The following PPP3R2 variants were observed in gnomAD, a reference collection of about 807,000 sequenced individuals.
The protein encoded by PPP3R2 is calcineurin subunit B type 2.
For missense variants in PPP3R2, 225 were observed against 217.4 expected, an observed-to-expected ratio of 1.03 and a Z score of -0.22; for synonymous variants, 91 against 91.5, an observed-to-expected ratio of 0.99 and a Z score of 0.03.
At position 101,594,655 on chromosome 9, in the gene PPP3R2, C is replaced by T; in HGVS notation, c.267G>A (p.Glu89=). Residue 89 remains glutamate, a synonymous_variant, in exon 1 of 1, where the codon GAG becomes GAA. Transcript: ENST00000374806. The stretch of plus-strand genomic sequence containing the variant: ...TGCTGAACGCAAACCTCAACTTCTG[C>T]TCCTCGTCGCCCTTGACGCTGAACT... ...TSQFSVKGDE[E]QKLRFAFSIY... 1.2e-6 allele frequency: 2 copies of T among 1,614,128 alleles called. No individual in the cohort carries two copies. The highest frequency in any genetic ancestry group is 4.5e-5 in the East Asian group (2 of 44,896).
rs1828069895 is a variant in PPP3R2, at chr9:101,593,924, G to A, written c.*485C>T. On this transcript the variant is annotated 3_prime_UTR_variant, in exon 1 of 1. Coordinates refer to ENST00000374806, the MANE Select transcript of PPP3R2 (RefSeq NM_147180.4). ...CCCCTAAGAAAAGTGATTACGAGAT[G>A]CCCAGCAAAGACAAATATATTTGTC... The A allele has an allele frequency of 6.5e-6, 1 of 153,946 alleles. No individual in the cohort carries two copies. The highest frequency in any genetic ancestry group is 1.4e-5 in the Non-Finnish European group (1 of 69,394). 9.5% of individuals were successfully genotyped at this position (153,946 alleles called of 1,614,324 possible).
In PPP3R2 at chr9:101,594,288, T is replaced by C. The variant is rs1051458232; in HGVS notation, c.*121A>G. On this transcript the variant is annotated 3_prime_UTR_variant, in exon 1 of 1. Transcript: ENST00000374806. Reference sequence around the variant, plus strand: ...GTGATGAAGCTCCTGTTAGGACATATGGCTTCACAAAAAGAAATACTTCCA... The same window carrying C: ...GTGATGAAGCTCCTGTTAGGACATACGGCTTCACAAAAAGAAATACTTCCA... The C allele has an allele frequency of 5.4e-6, 7 of 1,288,014 alleles. No homozygotes were observed. The highest frequency in any genetic ancestry group is 3.0e-5 in the African/African-American group (2 of 66,824). 79.8% of individuals were successfully genotyped at this position (1,288,014 alleles called of 1,614,324 possible). A position where few individuals can be genotyped will look rare whatever the true frequency, so the allele number is the denominator to read the frequency against.
Position 101,594,825 on chromosome 9 carries a change from C to G in PPP3R2, c.97G>C (p.Asp33His). 1 of 1,610,894 alleles carries G rather than the reference C, an allele frequency of 6.2e-7. No individual in the cohort carries two copies. Among genetic ancestry groups the G allele is most frequent in the Non-Finnish European group, 8.5e-7 (1 of 1,180,024 alleles). ...LGRRFKKLDL[D>H]KSGSLSVEEF... is the part of the protein sequence containing the mutation. The stretch of plus-strand genomic sequence containing the variant: ...TCCACGCTCAGAGACCCTGATTTGT[C>G]CAAGTCCAACTTCTTAAACCTCCTG... The change falls in exon 1 of 1, where the codon GAC becomes CAC. Residue 33 changes from aspartate to histidine, a missense_variant. Transcript: ENST00000374806.
In PPP3R2 at chr9:101,592,945, T is replaced by C. The variant is rs1417710600; in HGVS notation, c.*1464A>G. 6.6e-6 allele frequency: 1 copy of C among 151,902 alleles called. No individual in the cohort carries two copies. Among genetic ancestry groups the C allele is most frequent in the African/African-American group, 2.4e-5 (1 of 41,310 alleles). 9.4% of individuals were successfully genotyped at this position (151,902 alleles called of 1,614,324 possible). A position where few individuals can be genotyped will look rare whatever the true frequency, so the allele number is the denominator to read the frequency against. ...TTTTGAGAGCCTTAAGCATCTTATA[T>C]GGGAAGTGGTTCTCTGTGAGAAAGA... On this transcript the variant is annotated 3_prime_UTR_variant, in exon 1 of 1. Transcript: ENST00000374806.
In PPP3R2 at chr9:101,594,835, C is replaced by T; in HGVS notation, c.87G>A (p.Lys29=). ...EIKRLGRRFK[K]LDLDKSGSLS... is the part of the protein sequence containing the mutation. ...GAGACCCTGATTTGTCCAAGTCCAA[C>T]TTCTTAAACCTCCTGCCCAGCCTTT... Residue 29 remains lysine (K), a synonymous_variant, in exon 1 of 1, where the codon AAG becomes AAA. Coordinates refer to ENST00000374806, the MANE Select transcript of PPP3R2 (RefSeq NM_147180.4). 2 of 1,609,302 alleles carry T rather than the reference C, an allele frequency of 1.2e-6. No individual in the cohort carries two copies. The highest frequency in any genetic ancestry group is 1.7e-6 in the Non-Finnish European group (2 of 1,180,024).
chr9:101,594,547 C>T lies in PPP3R2; in HGVS notation c.375G>A (p.Thr125=), dbSNP rs868129282. The change falls in exon 1 of 1, where the codon ACG becomes ACA. Residue 125 remains threonine, a synonymous_variant. Coordinates refer to ENST00000374806, the MANE Select transcript of PPP3R2 (RefSeq NM_147180.4). Reference sequence around the variant, plus strand: ...CGACCAGCTGCTGGAGCTGCCAGTCCGTCAGGTTGTTGCCCACCATCATCT... The same window carrying T: ...CGACCAGCTGCTGGAGCTGCCAGTCTGTCAGGTTGTTGCCCACCATCATCT... ...VLKMMVGNNL[T]DWQLQQLVDK... The T allele has an allele frequency of 1.9e-6, 3 of 1,614,014 alleles. No individual in the cohort carries two copies. Among genetic ancestry groups the T allele is most frequent in the South Asian group, 2.2e-5 (2 of 91,080 alleles).
chr9:101,594,958 G>A lies in PPP3R2; in HGVS notation c.-37C>T, dbSNP rs780709801. 1.9e-6 allele frequency: 3 copies of A among 1,580,058 alleles called. No homozygotes were observed. The highest frequency in any genetic ancestry group is 1.2e-5 in the South Asian group (1 of 86,952). On this transcript the variant is annotated 5_prime_UTR_variant, in exon 1 of 1. Transcript: ENST00000374806. ...GGCAACGGCCACGGCTCAAAGGGTC[G>A]GAGAGGGGAGCAGGGGCGGTGAGCT...
rs904443041 is a variant in PPP3R2 at position 101,592,000 on chromosome 9, T to C, written c.*2409A>G. ...TGCACATTGCAGGGTGTATAAATAA[T>C]GCCTCTCTTTAATGACAATAATGTC... On this transcript the variant is annotated 3_prime_UTR_variant, in exon 1 of 1. Coordinates refer to ENST00000374806, the MANE Select transcript of PPP3R2 (RefSeq NM_147180.4). 1.3e-5 allele frequency: 2 copies of C among 152,260 alleles called. No individual in the cohort carries two copies. Among genetic ancestry groups the C allele is most frequent in the Non-Finnish European group, 1.5e-5 (1 of 68,040 alleles). 9.4% of individuals were successfully genotyped at this position (152,260 alleles called of 1,614,324 possible). A position where few individuals can be genotyped will look rare whatever the true frequency, so the allele number is the denominator to read the frequency against.
In PPP3R2 at chr9:101,594,768, T is replaced by A; in HGVS notation, c.154A>T (p.Asn52Tyr). The stretch of plus-strand genomic sequence containing the variant: ...TCGATCACTCGCCGCACCAACGGGT[T>A]GTGGCGCAGCTCCGGCAGGGACATG... ...EFMSLPELRH[N>Y]PLVRRVIDVF... is the part of the protein sequence containing the mutation. The change falls in exon 1 of 1, where the codon AAC (asparagine) becomes TAC (tyrosine). Residue 52 changes from asparagine (N) to tyrosine (Y), a missense_variant. By Grantham distance (143) the Asn-to-Tyr change is moderately radical. Transcript: ENST00000374806. 6.2e-7 allele frequency: 1 copy of A among 1,614,020 alleles called. No homozygotes were observed. The highest frequency in any genetic ancestry group is 8.5e-7 in the Non-Finnish European group (1 of 1,180,022).
At position 101,592,126 on chromosome 9, in the gene PPP3R2, C is replaced by T. The variant is rs1394079743; in HGVS notation, c.*2283G>A. On this transcript the variant is annotated 3_prime_UTR_variant, in exon 1 of 1. Coordinates refer to ENST00000374806, the MANE Select transcript of PPP3R2 (RefSeq NM_147180.4). ...AATGAGAGATTTTGTTTTAAAAATT[C>T]TCCAGTTCTCAGGTCAGAAAGTCTG... The T allele has an allele frequency of 6.6e-6, 1 of 152,144 alleles. No individual in the cohort carries two copies. Among genetic ancestry groups the T allele is most frequent in the Non-Finnish European group, 1.5e-5 (1 of 68,036 alleles). The allele number at this position is 152,144 out of a possible 1,614,324, so 9.4% of individuals were successfully genotyped here.
Position 101,594,939 on chromosome 9 carries a change from G to A in PPP3R2, c.-18C>T, listed in dbSNP as rs765525919. 2 of 1,593,148 alleles carry A rather than the reference G, an allele frequency of 1.3e-6. No homozygotes were observed. Among genetic ancestry groups the A allele is most frequent in the Non-Finnish European group, 1.7e-6 (2 of 1,176,562 alleles). On this transcript the variant is annotated 5_prime_UTR_variant, in exon 1 of 1. Transcript: ENST00000374806. ...TTTCCCATTGTGGACATCTGGCAAC[G>A]GCCACGGCTCAAAGGGTCGGAGAGG... is the stretch of plus-strand genomic sequence containing the variant.
chr9:101,592,996 G>C lies in PPP3R2; in HGVS notation c.*1413C>G, dbSNP rs548336737. 6.6e-6 allele frequency: 1 copy of C among 152,272 alleles called. No individual in the cohort carries two copies. Among genetic ancestry groups the C allele is most frequent in the South Asian group, 2.1e-4 (1 of 4,820 alleles). 9.4% of individuals were successfully genotyped at this position (152,272 alleles called of 1,614,324 possible). A position where few individuals can be genotyped will look rare whatever the true frequency, so the allele number is the denominator to read the frequency against. On this transcript the variant is annotated 3_prime_UTR_variant, in exon 1 of 1. Transcript: ENST00000374806. ...GGATTGGTATGGAGGCACAGATGCT[G>C]GGACAAGTCCTAGCCCTGCTCTTCT...
rs747246148 is a variant in PPP3R2, at chr9:101,594,453, C to T, written c.469G>A (p.Val157Ile). 2 of 1,613,638 alleles carry T rather than the reference C, an allele frequency of 1.2e-6. No individual in the cohort carries two copies. The highest frequency in any genetic ancestry group is 1.7e-5 in the Admixed American group (1 of 59,998). Residue 157 changes from valine to isoleucine, a missense_variant, in exon 1 of 1, where the codon GTC (valine) becomes ATC (isoleucine). By Grantham distance (29) the Val-to-Ile change is conservative (BLOSUM62 3). Coordinates refer to ENST00000374806, the MANE Select transcript of PPP3R2 (RefSeq NM_147180.4). ...TTCTTGTGGATCTCCAGGTCTCTGA[C>T]CACAGCACTGAATTCCTCAAAGGAT... ...KISFEEFSAV[V>I]RDLEIHKKLV... is the part of the protein sequence containing the mutation.
Position 101,593,460 on chromosome 9 carries a change from A to C in PPP3R2, c.*949T>G, listed in dbSNP as rs1224719725. 6.6e-6 allele frequency: 1 copy of C among 152,238 alleles called. No individual in the cohort carries two copies. The highest frequency in any genetic ancestry group is 1.5e-5 in the Non-Finnish European group (1 of 68,048). 9.4% of individuals were successfully genotyped at this position (152,238 alleles called of 1,614,324 possible). A position where few individuals can be genotyped will look rare whatever the true frequency, so the allele number is the denominator to read the frequency against. ...ATTGTCAGTCTCTGCATCTGTGAGC[A>C]ACAGACATAATGCCACTTTGGCATC... On this transcript the variant is annotated 3_prime_UTR_variant, in exon 1 of 1. Coordinates refer to ENST00000374806, the MANE Select transcript of PPP3R2 (RefSeq NM_147180.4).
At position 101,593,964 on chromosome 9, in the gene PPP3R2, AG is replaced by A. The variant is rs1222880411; in HGVS notation, c.*444del. ...ATATATTTGTCCCTGTTGCTACAAT[AG>A]GAAGTTAACAATCTGGCAAGATATC... is the stretch of plus-strand genomic sequence containing the variant. On this transcript the variant is annotated 3_prime_UTR_variant, in exon 1 of 1. Transcript: ENST00000374806. 4 of 156,750 alleles carry A rather than the reference AG, an allele frequency of 2.6e-5. No individual in the cohort carries two copies. The highest frequency in any genetic ancestry group is 5.6e-5 in the Non-Finnish European group (4 of 71,210). The allele number at this position is 156,750 out of a possible 1,614,324, so 9.7% of individuals were successfully genotyped here.
In PPP3R2 at chr9:101,594,397, T is replaced by C. The variant is rs766119488; in HGVS notation, c.*12A>G. On this transcript the variant is annotated 3_prime_UTR_variant, in exon 1 of 1. Coordinates refer to ENST00000374806, the MANE Select transcript of PPP3R2 (RefSeq NM_147180.4). ...AGCAGAAGTTGTTGGGTGGTGCTTG[T>C]AAGAAAAAGGCTCATACGATGAGGA... 1 of 1,578,632 alleles carries C rather than the reference T, an allele frequency of 6.3e-7. No individual in the cohort carries two copies. The highest frequency in any genetic ancestry group is 1.4e-5 in the African/African-American group (1 of 73,970).
Position 101,594,669 on chromosome 9 carries a change from T to C in PPP3R2, c.253A>G (p.Lys85Glu), listed in dbSNP as rs140002593. 41 of 1,614,088 alleles carry C rather than the reference T, an allele frequency of 2.5e-5. 1 individual carries two copies. In the African/African-American group the frequency reaches 3.9e-4, roughly 15 times the overall value. ...CTCAACTTCTGCTCCTCGTCGCCCT[T>C]GACGCTGAACTGGGAGGTCCCCAGG... Reference protein sequence around the residue: ...FILGTSQFSVKGDEEQKLRFA... With the variant: ...FILGTSQFSVEGDEEQKLRFA... Residue 85 changes from lysine (K) to glutamate (E), a missense_variant, in exon 1 of 1, where the codon AAG becomes GAG. By Grantham distance (56) the Lys-to-Glu change is moderately conservative. Transcript: ENST00000374806.
Position 101,594,515 on chromosome 9 carries a change from G to A in PPP3R2, c.407C>T (p.Thr136Ile). Reference protein sequence around the residue: ...DWQLQQLVDKTIIILDKDGDG... With the variant: ...DWQLQQLVDKIIIILDKDGDG... ...GCCATCCTTGTCCAGGATGATGATG[G>A]TTTTGTCGACCAGCTGCTGGAGCTG... is the stretch of plus-strand genomic sequence containing the variant. The change falls in exon 1 of 1, where the codon ACC becomes ATC. Residue 136 changes from threonine (T) to isoleucine (I), a missense_variant. Physicochemically the swap from Thr to Ile is moderately conservative, Grantham distance 89. Transcript: ENST00000374806. The A allele has an allele frequency of 6.2e-7, 1 of 1,614,152 alleles. No individual in the cohort carries two copies. Among genetic ancestry groups the A allele is most frequent in the South Asian group, 1.1e-5 (1 of 91,088 alleles).
At position 101,591,899 on chromosome 9, in the gene PPP3R2, C is replaced by G. The variant is rs1310634976; in HGVS notation, c.*2510G>C. The G allele has an allele frequency of 6.6e-6, 1 of 152,204 alleles. No homozygotes were observed. Among genetic ancestry groups the G allele is most frequent in the Non-Finnish European group, 1.5e-5 (1 of 68,026 alleles). The allele number at this position is 152,204 out of a possible 1,614,324, so 9.4% of individuals were successfully genotyped here. A position where few individuals can be genotyped will look rare whatever the true frequency, so the allele number is the denominator to read the frequency against. On this transcript the variant is annotated 3_prime_UTR_variant, in exon 1 of 1. Coordinates refer to ENST00000374806, the MANE Select transcript of PPP3R2 (RefSeq NM_147180.4). Reference sequence around the variant, plus strand: ...CCAGAAACTGAAACACATTTCCTCTCTTTGTTAAATGTGAGCATGTAATCC... The same window carrying G: ...CCAGAAACTGAAACACATTTCCTCTGTTTGTTAAATGTGAGCATGTAATCC...
Sources: allele counts gnomAD v4.1 joint callset, GRCh38; gene constraint gnomAD v4.1.1; transcripts MANE v1.5; gene names NCBI Gene and HGNC (gene_info 2026-07-23, HGNC 2026-07-21).